FOXL2: variants seen among roughly 807,000 people sequenced by gnomAD.
The protein encoded by FOXL2 is forkhead box L2.
In FOXL2, 3 loss-of-function variants were observed where a neutral mutation model predicts 2.5. The ratio of observed to expected loss-of-function variants is 1.20; its 90% CI spans 0.55 to 3.11. The LOEUF (loss-of-function observed/expected upper bound fraction) is 3.11. FOXL2 is among the 30% of genes most tolerant of loss of function. FOXL2 has a pLI of 0.03. For missense variants in FOXL2, 512 were observed against 570.0 expected (o/e 0.90, Z 1.04); for synonymous variants, 315 against 269.4 (o/e 1.17, Z -1.66).
rs1326269097 is a variant in FOXL2 at position 138,944,591 on chromosome 3, T to A, written c.*1001A>T. The stretch of plus-strand genomic sequence containing the variant: ...TTTGTTTTTGATTTTTTTCTTCAGA[T>A]AGGGAGAGGGTGAAACTTCCCCAAT... On this transcript the variant is annotated 3_prime_UTR_variant, in exon 1 of 1. Transcript: ENST00000648323. The A allele has an allele frequency of 4.3e-6, 1 of 233,176 alleles. No homozygotes were observed. Among genetic ancestry groups the A allele is most frequent in the East Asian group, 6.0e-5 (1 of 16,564 alleles). The allele number at this position is 233,176 out of a possible 1,614,324, so 14.4% of individuals were successfully genotyped here.
Position 138,945,515 on chromosome 3 carries a change from G to GTA in FOXL2, c.*76_*77insTA. 6.4e-7 allele frequency: 1 copy of GTA among 1,552,358 alleles called. No homozygotes were observed. Among genetic ancestry groups the GTA allele is most frequent in the South Asian group, 1.1e-5 (1 of 88,672 alleles). ...GGTGTGAGGTCAGGCTGGCGGCGGCGTCGTCGGCTGCGACCGGGGCCGGCG... is the reference window on the plus strand; with the variant it reads ...GGTGTGAGGTCAGGCTGGCGGCGGCGTATCGTCGGCTGCGACCGGGGCCGGCG... On this transcript the variant is annotated 3_prime_UTR_variant, in exon 1 of 1. Coordinates refer to ENST00000648323, the MANE Select transcript of FOXL2 (RefSeq NM_023067.4).
At position 138,946,346 on chromosome 3, in the gene FOXL2, T is replaced by C. The variant is rs776167736; in HGVS notation, c.377A>G (p.Asn126Ser). ...PREGGGERKGNYWTLDPACED... is the reference protein window; with the variant it reads ...PREGGGERKGSYWTLDPACED... ...GCAGGCCGGGTCCAGCGTCCAGTAG[T>C]TGCCCTTGCGCTCGCCGCCGCCCTC... The change falls in exon 1 of 1, where the codon AAC (asparagine) becomes AGC (serine). Residue 126 changes from asparagine to serine, a missense_variant. This residue lies in a region of FOXL2 where 63 missense variants were observed against 138.9 expected (regional missense o/e 0.45). Transcript: ENST00000648323. 2 of 1,614,002 alleles carry C rather than the reference T, an allele frequency of 1.2e-6. No homozygotes were observed. Among genetic ancestry groups the C allele is most frequent in the Non-Finnish European group, 1.7e-6 (2 of 1,179,968 alleles).
rs1372649961 is a variant in FOXL2 at position 138,945,692 on chromosome 3, T to G, written c.1031A>C (p.Gln344Pro). The change falls in exon 1 of 1, where the codon CAG (glutamine) becomes CCG (proline). Residue 344 changes from glutamine to proline, a missense_variant. By Grantham distance (76) the Gln-to-Pro change is moderately conservative. Transcript: ENST00000648323. ...APAPTSAPGL[Q>P]FACARQPELA... Reference sequence around the variant, plus strand: ...CTCGGGCTGCCGGGCACAAGCGAACTGCAGGCCCGGCGCACTGGTGGGCGC... The same window carrying G: ...CTCGGGCTGCCGGGCACAAGCGAACGGCAGGCCCGGCGCACTGGTGGGCGC... 4 of 1,562,584 alleles carry G rather than the reference T, an allele frequency of 2.6e-6. No individual in the cohort carries two copies. Among genetic ancestry groups the G allele is most frequent in the Middle Eastern group, 1.7e-4 (1 of 5,790 alleles).
rs200169078 is a variant in FOXL2 at position 138,946,763 on chromosome 3, C to G, written c.-41G>C. ...CCGCGGCCGGGCCGCCTCTGCTCTC[C>G]GCTCCAGGCGCTGGCGCGGCAAAGA... On this transcript the variant is annotated 5_prime_UTR_variant, in exon 1 of 1. Coordinates refer to ENST00000648323, the MANE Select transcript of FOXL2 (RefSeq NM_023067.4). The G allele has an allele frequency of 1.9e-6, 3 of 1,545,670 alleles. No individual in the cohort carries two copies. The highest frequency in any genetic ancestry group is 2.6e-6 in the Non-Finnish European group (3 of 1,145,670).
In FOXL2 at chr3:138,946,863, C is replaced by CT. The variant is rs1051781437; in HGVS notation, c.-142dup. ...TGCGGATGCCGCCCGCGCTTGCTTG[C>CT]TGGAGGCCTGTCGCTGCTCTCCCCT... is the stretch of plus-strand genomic sequence containing the variant. On this transcript the variant is annotated 5_prime_UTR_variant, in exon 1 of 1. Transcript: ENST00000648323. 3 of 1,260,388 alleles carry CT rather than the reference C, an allele frequency of 2.4e-6. No homozygotes were observed. Among genetic ancestry groups the CT allele is most frequent in the African/African-American group, 3.1e-5 (2 of 65,064 alleles). The allele number at this position is 1,260,388 out of a possible 1,614,324, so 78.1% of individuals were successfully genotyped here.
rs1935999722 is a variant in FOXL2, at chr3:138,947,105, G to C, written c.-383C>G. 2.0e-6 allele frequency: 1 copy of C among 490,686 alleles called. No homozygotes were observed. Among genetic ancestry groups the C allele is most frequent in the Admixed American group, 4.0e-5 (1 of 25,310 alleles). The allele number at this position is 490,686 out of a possible 1,614,324, so 30.4% of individuals were successfully genotyped here. A position where few individuals can be genotyped will look rare whatever the true frequency, so the allele number is the denominator to read the frequency against. ...GTCTCTGGCGGAGCTGCCTCCTGGA[G>C]TCCCTAGTGCGCCAGGAGCCTCGCT... On this transcript the variant is annotated 5_prime_UTR_variant, in exon 1 of 1. Transcript: ENST00000648323. This position sits in a 1 kb window ranked among gnomAD's most constrained non-coding sequence, Gnocchi z 5.2.
Position 138,947,072 on chromosome 3 carries a change from C to A in FOXL2, c.-350G>T. On this transcript the variant is annotated 5_prime_UTR_variant, in exon 1 of 1. Transcript: ENST00000648323. The surrounding 1 kb of genome is among the most constrained non-coding windows in gnomAD (Gnocchi z 5.2). ...CCCCGCCCCCCGGTTTCCCGAAGCACGACCCGCGTCTCTGGCGGAGCTGCC... is the reference window on the plus strand; with the variant it reads ...CCCCGCCCCCCGGTTTCCCGAAGCAAGACCCGCGTCTCTGGCGGAGCTGCC... 2.7e-6 allele frequency: 1 copy of A among 365,574 alleles called. No individual in the cohort carries two copies. The highest frequency in any genetic ancestry group is 5.0e-6 in the Non-Finnish European group (1 of 201,446). 22.6% of individuals were successfully genotyped at this position (365,574 alleles called of 1,614,324 possible).
Position 138,945,256 on chromosome 3 carries a change from G to GT in FOXL2, c.*335_*336insA. The stretch of plus-strand genomic sequence containing the variant: ...CGACGCCCGGTCGCACCTCCGCCCC[G>GT]GGCCCTTTCCGCGGTGAATTTGGGC... On this transcript the variant is annotated 3_prime_UTR_variant, in exon 1 of 1. Transcript: ENST00000648323. 1 of 257,714 alleles carries GT rather than the reference G, an allele frequency of 3.9e-6. No homozygotes were observed. Among genetic ancestry groups the GT allele is most frequent in the South Asian group, 1.4e-4 (1 of 7,334 alleles). 16.0% of individuals were successfully genotyped at this position (257,714 alleles called of 1,614,324 possible).
At position 138,946,990 on chromosome 3, in the gene FOXL2, C is replaced by T. The variant is rs1487913229; in HGVS notation, c.-268G>A. 1 of 559,212 alleles carries T rather than the reference C, an allele frequency of 1.8e-6. No individual in the cohort carries two copies. The highest frequency in any genetic ancestry group is 2.0e-5 in the African/African-American group (1 of 50,190). The allele number at this position is 559,212 out of a possible 1,614,324, so 34.6% of individuals were successfully genotyped here. ...GAGGGGCTCCGGCCTCGCCGCCCCT[C>T]CCCGCTCAGGCCAGTCCCCGCCTTG... On this transcript the variant is annotated 5_prime_UTR_variant, in exon 1 of 1. Transcript: ENST00000648323.
rs1935978092 is a variant in FOXL2 at position 138,946,565 on chromosome 3, T to C, written c.158A>G (p.Gln53Arg). 2 of 1,610,898 alleles carry C rather than the reference T, an allele frequency of 1.2e-6. No individual in the cohort carries two copies. Among genetic ancestry groups the C allele is most frequent in the East Asian group, 2.2e-5 (1 of 44,826 alleles). Residue 53 changes from glutamine (Q) to arginine (R), a missense_variant, in exon 1 of 1, where the codon CAG becomes CGG. Physicochemically the swap from Gln to Arg is conservative, Grantham distance 43 (BLOSUM62 1). Coordinates refer to ENST00000648323, the MANE Select transcript of FOXL2 (RefSeq NM_023067.4). ...GTAPEKPDPA[Q>R]KPPYSYVALI... ...CGCCACGTACGAGTACGGGGGCTTCTGCGCCGGGTCCGGCTTCTCCGGGGC... is the reference window on the plus strand; with the variant it reads ...CGCCACGTACGAGTACGGGGGCTTCCGCGCCGGGTCCGGCTTCTCCGGGGC...
At position 138,946,770 on chromosome 3, in the gene FOXL2, G is replaced by T; in HGVS notation, c.-48C>A. The T allele has an allele frequency of 1.3e-6, 2 of 1,544,384 alleles. No homozygotes were observed. Among genetic ancestry groups the T allele is most frequent in the Non-Finnish European group, 8.7e-7 (1 of 1,145,100 alleles). On this transcript the variant is annotated 5_prime_UTR_variant, in exon 1 of 1. The change creates a new upstream start codon in the 5' untranslated region. Transcript: ENST00000648323. The stretch of plus-strand genomic sequence containing the variant: ...CGGGCCGCCTCTGCTCTCCGCTCCA[G>T]GCGCTGGCGCGGCAAAGAGTTGGGG...
chr3:138,945,522 G>C lies in FOXL2; in HGVS notation c.*70C>G. 1 of 1,559,228 alleles carries C rather than the reference G, an allele frequency of 6.4e-7. No homozygotes were observed. Among genetic ancestry groups the C allele is most frequent in the South Asian group, 1.1e-5 (1 of 89,328 alleles). The stretch of plus-strand genomic sequence containing the variant: ...GGTCAGGCTGGCGGCGGCGTCGTCG[G>C]CTGCGACCGGGGCCGGCGTCGCGCG... On this transcript the variant is annotated 3_prime_UTR_variant, in exon 1 of 1. Transcript: ENST00000648323.
chr3:138,945,733 G>A lies in FOXL2; in HGVS notation c.990C>T (p.Ala330=). ...GQLSPASPAT[A]APPAPAPTSA... is the part of the protein sequence containing the mutation. The stretch of plus-strand genomic sequence containing the variant: ...TGGTGGGCGCGGGCGCCGGGGGCGC[G>A]GCGGTGGCTGGGCTGGCAGGGCTGA... The change falls in exon 1 of 1, where the codon GCC becomes GCT. Residue 330 remains alanine (A), a synonymous_variant. Coordinates refer to ENST00000648323, the MANE Select transcript of FOXL2 (RefSeq NM_023067.4). 7.1e-7 allele frequency: 1 copy of A among 1,411,788 alleles called. No homozygotes were observed. Among genetic ancestry groups the A allele is most frequent in the Non-Finnish European group, 9.4e-7 (1 of 1,063,324 alleles). 87.5% of individuals were successfully genotyped at this position (1,411,788 alleles called of 1,614,324 possible). A position where few individuals can be genotyped will look rare whatever the true frequency, so the allele number is the denominator to read the frequency against.
Position 138,945,672 on chromosome 3 carries a change from G to T in FOXL2, c.1051C>A (p.Pro351Thr). ...PGLQFACARQPELAMMHCSYW... is the reference protein window; with the variant it reads ...PGLQFACARQTELAMMHCSYW... ...GAGCAATGCATCATGGCGAGCTCGG[G>T]CTGCCGGGCACAAGCGAACTGCAGG... The change falls in exon 1 of 1, where the codon CCC (proline) becomes ACC (threonine). Residue 351 changes from proline (P) to threonine (T), a missense_variant. By Grantham distance (38) the Pro-to-Thr change is conservative. Around this residue, in one of 5 missense-constraint regions of FOXL2, gnomAD observed 66 missense variants for 58.3 expected, o/e 1.13. Transcript: ENST00000648323. 1 of 1,588,248 alleles carries T rather than the reference G, an allele frequency of 6.3e-7. No homozygotes were observed. The highest frequency in any genetic ancestry group is 8.6e-7 in the Non-Finnish European group (1 of 1,163,850).
rs776277339 is a variant in FOXL2 at position 138,946,236 on chromosome 3, C to T, written c.487G>A (p.Gly163Ser). 1 of 1,561,808 alleles carries T rather than the reference C, an allele frequency of 6.4e-7. No individual in the cohort carries two copies. Among genetic ancestry groups the T allele is most frequent in the Non-Finnish European group, 8.7e-7 (1 of 1,155,812 alleles). ...CCTCCGGCCCCGAAGAGCCCCTTGC[C>T]GGGCTGGAAGTGCGCGGGCGGCGGC... The part of the protein sequence containing the change: ...FRPPPAHFQP[G>S]KGLFGAGGAA... The change falls in exon 1 of 1, where the codon GGC (glycine) becomes AGC (serine). Residue 163 changes from glycine (G) to serine (S), a missense_variant. By Grantham distance (56) the Gly-to-Ser change is moderately conservative (BLOSUM62 0). Transcript: ENST00000648323.
rs190825750 is a variant in FOXL2 at position 138,944,832 on chromosome 3, C to G, written c.*760G>C. 146 of 231,098 alleles carry G rather than the reference C, an allele frequency of 6.3e-4. No individual in the cohort carries two copies. The highest frequency in any genetic ancestry group is 3.2e-3 in the African/African-American group (143 of 44,832). 14.3% of individuals were successfully genotyped at this position (231,098 alleles called of 1,614,324 possible). On this transcript the variant is annotated 3_prime_UTR_variant, in exon 1 of 1. Transcript: ENST00000648323. ...TTTCCTTTTTTTTTTTTTAAATACT[C>G]TCTTAAAAAGTTCCACCGATCTTTC...
At position 138,945,750 on chromosome 3, in the gene FOXL2, C is replaced by T. The variant is rs1385920120; in HGVS notation, c.973G>A (p.Ala325Thr). 2 of 1,228,758 alleles carry T rather than the reference C, an allele frequency of 1.6e-6. No homozygotes were observed. Among genetic ancestry groups the T allele is most frequent in the Non-Finnish European group, 2.0e-6 (2 of 976,544 alleles). The allele number at this position is 1,228,758 out of a possible 1,614,324, so 76.1% of individuals were successfully genotyped here. Reference sequence around the variant, plus strand: ...GGGGGCGCGGCGGTGGCTGGGCTGGCAGGGCTGAGCTGGCCCGGCGGCGGC... The same window carrying T: ...GGGGGCGCGGCGGTGGCTGGGCTGGTAGGGCTGAGCTGGCCCGGCGGCGGC... ...AAPPPGQLSPASPATAAPPAP... is the reference protein window; with the variant it reads ...AAPPPGQLSPTSPATAAPPAP... Residue 325 changes from alanine to threonine, a missense_variant, in exon 1 of 1, where the codon GCC becomes ACC. This residue lies in a region of FOXL2 where 287 missense variants were observed against 277.4 expected (regional missense o/e 1.03). Coordinates refer to ENST00000648323, the MANE Select transcript of FOXL2 (RefSeq NM_023067.4).
Position 138,944,233 on chromosome 3 carries a change from G to A in FOXL2, c.*1359C>T, listed in dbSNP as rs937432084. On this transcript the variant is annotated 3_prime_UTR_variant, in exon 1 of 1. Transcript: ENST00000648323. ...AATAAAGAAGTCCGTGTTAAAAGAA[G>A]GAACACAAAATTTATTCGGGAATCG... 2.2e-5 allele frequency: 5 copies of A among 231,550 alleles called. No individual in the cohort carries two copies. The highest frequency in any genetic ancestry group is 2.6e-3 in the Middle Eastern group (2 of 768). The allele number at this position is 231,550 out of a possible 1,614,324, so 14.3% of individuals were successfully genotyped here.
Position 138,946,036 on chromosome 3 carries a change from A to G in FOXL2, c.687T>C (p.Ala229=). 2 of 1,392,338 alleles carry G rather than the reference A, an allele frequency of 1.4e-6. No homozygotes were observed. Among genetic ancestry groups the G allele is most frequent in the Non-Finnish European group, 1.8e-6 (2 of 1,084,944 alleles). 86.2% of individuals were successfully genotyped at this position (1,392,338 alleles called of 1,614,324 possible). Residue 229 remains alanine, a synonymous_variant, in exon 1 of 1, where the codon GCT becomes GCC. Transcript: ENST00000648323. ...TACCGGGGCCCGCGGCTGCAGCCGC[A>G]GCTGCTGCAGCCGCTGCGGCTGCCG... ...QMAAAAAAAA[A]AAAAAGPGSP... is the part of the protein sequence containing the mutation.
Sources: gnomAD v4.1 joint callset for allele counts on GRCh38, gnomAD v4.1.1 for gene constraint, gnomAD v4.1.1 regional missense constraint, Gnocchi (gnomAD v3.1) non-coding constraint, MANE v1.5 for transcripts, NCBI Gene and HGNC (gene_info 2026-07-23, HGNC 2026-07-21) for gene names.